Variants in OCLN observed in about 807,000 individuals in gnomAD.
OCLN encodes the protein phosphatase 1, regulatory subunit 115.
OCLN carries 21 observed loss-of-function variants against 47.9 expected under a neutral mutation model. The ratio of observed to expected loss-of-function variants is 0.44; its 90% confidence interval spans 0.31 to 0.63. OCLN has a LOEUF of 0.63. Among genes scored for constraint, OCLN ranks in the 30% least tolerant of loss-of-function variants. The probability of loss-of-function intolerance (pLI) is 0.08; values close to 1 mark genes in which losing one functional copy is unlikely to be tolerated. For missense variants in OCLN, 360 were observed against 571.0 expected (o/e 0.63, Z 3.77); for synonymous variants, 117 against 198.4 (o/e 0.59, Z 3.45).
At chr5:69,520,391 C>T (rs1054252822) in intron 4 of OCLN, among the ~76,000 whole-genome samples, 9 of 149,410 alleles carry the variant, frequency 6.0e-5, no homozygotes, top group African/African-American at 1.2e-4. Context: ...ACCTCTGTCT[C>T]CTGGGTTCAA....
chr5:69,496,559 T>C (rs57700782), intron 1 of OCLN, among the ~76,000 whole-genome samples: 2,371 of 146,470 alleles, frequency 0.016, 63 homozygotes, highest in African/African-American at 0.059. Context: ...TCTTTTTTTA[T>C]ACTTTTTTTT....
Position 69,544,985 on chromosome 5 carries a change from CTT to C in OCLN, c.1121_1122del (p.Phe374Ter), listed in dbSNP as rs746957303. The stretch of plus-strand genomic sequence containing the variant: ...AGCCTCGTTACAGCAGCGGTGGTAA[CTT>C]TGAGACACCTTCAAAAAGAGCACCT... ...RQPRYSSGGN[F>X]ETPSKRAPAK... On this transcript the variant is annotated frameshift_variant, in exon 6 of 9. Coordinates refer to ENST00000396442, the MANE Select transcript of OCLN (RefSeq NM_001205254.2). LOFTEE classifies it high-confidence loss of function. 1.3e-6 allele frequency: 2 copies of C among 1,597,230 alleles called. No individual in the cohort carries two copies. Among genetic ancestry groups the C allele is most frequent in the African/African-American group, 2.8e-5 (2 of 72,090 alleles).
At chr5:69,515,284 A>AC (rs1461293530) in intron 4 of OCLN, among the ~76,000 whole-genome samples, 10 of 130,152 alleles carry the variant, frequency 7.7e-5, no homozygotes, top group South Asian at 2.5e-4. Flanking sequence ...CGGGGGGCTG[A>AC]CCCCCCCACC....
rs768874429 is a variant in OCLN at position 69,509,344 on chromosome 5, C to G, written c.254C>G (p.Ser85Cys). The G allele has an allele frequency of 1.9e-6, 3 of 1,614,162 alleles. No homozygotes were observed. Among genetic ancestry groups the G allele is most frequent in the Non-Finnish European group, 2.5e-6 (3 of 1,180,030 alleles). ...MCIAIFACVA[S>C]TLAWDRGYGT... Reference sequence around the variant, plus strand: ...ATTGCCATCTTTGCCTGTGTGGCCTCCACGCTTGCCTGGGACAGAGGCTAT... The same window carrying G: ...ATTGCCATCTTTGCCTGTGTGGCCTGCACGCTTGCCTGGGACAGAGGCTAT... Residue 85 changes from serine to cysteine, a missense_variant, in exon 3 of 9, where the codon TCC becomes TGC. Ser to Cys is a moderately radical substitution (Grantham distance 112). Around this residue, in one of 3 missense-constraint regions of OCLN, gnomAD observed 314 missense variants for 368.1 expected, o/e 0.85. Transcript: ENST00000396442.
Position 69,555,560 on chromosome 5 carries a change from T to C in OCLN, c.*1889T>C, listed in dbSNP as rs375565190. 6 of 152,128 alleles carry C rather than the reference T, an allele frequency of 3.9e-5. No individual in the cohort carries two copies. The highest frequency in any genetic ancestry group is 3.4e-3 in the Middle Eastern group (1 of 294). The allele number at this position is 152,128 out of a possible 1,614,324, so 9.4% of individuals were successfully genotyped here. ...CTGGGATTAGAGGCGTGAGCCACTG[T>C]GCCCGGCCTATAATTTTTGATAGAT... On this transcript the variant is annotated 3_prime_UTR_variant, in exon 9 of 9. Transcript: ENST00000396442.
chr5:69,506,421 G>A (rs2111964375), intron 2 of OCLN, among the ~76,000 whole-genome samples: 1 of 152,362 alleles, frequency 6.6e-6, no homozygotes, highest in South Asian at 2.1e-4. Context: ...CACATGTTCA[G>A]CTGTCCAGAA....
intron 4 of OCLN, among the ~76,000 whole-genome samples, chr5:69,517,313 T>C (rs1768999843): frequency 1.2e-5 from 1 of 85,674 alleles, no homozygotes; most frequent in African/African-American, 3.4e-5. Flanking sequence ...TATATATATA[T>C]ATTTTTTTTT....
At chr5:69,524,328 T>A (rs1167640318) in intron 4 of OCLN, among the ~76,000 whole-genome samples, 1 of 152,230 alleles carries the variant, frequency 6.6e-6, no homozygotes, top group African/African-American at 2.4e-5. Context: ...ATTATACATT[T>A]TTTACTCTCT....
chr5:69,509,528 C>G lies in OCLN; in HGVS notation c.438C>G (p.Ala146=), dbSNP rs775357013. ...AGGGCTTCATGTTGGCCATGGCTGC[C>G]TTTTGTTTCATTGCCGCGTTGGTGA... ...AAKGFMLAMA[A]FCFIAALVIF... Residue 146 remains alanine (A), a synonymous_variant, in exon 3 of 9, where the codon GCC becomes GCG. Transcript: ENST00000396442. The G allele has an allele frequency of 4.3e-6, 7 of 1,614,026 alleles. No individual in the cohort carries two copies. In the South Asian group the frequency reaches 7.7e-5, roughly 18 times the overall value.
At chr5:69,522,894 C>CTTTTTTTTTTTTTTTTTTTT (rs60505522) in intron 4 of OCLN, among the ~76,000 whole-genome samples, 1 of 116,890 alleles carries the variant, frequency 8.6e-6, no homozygotes, top group Non-Finnish European at 1.7e-5. Flanking sequence ...GCCTGGCTGA[C>CTTTTTTTTTTTTTTTTTTTT]TTTTTTTTTT....
intron 6 of OCLN, among the ~76,000 whole-genome samples, chr5:69,546,500 T>TA: frequency 7.0e-6 from 1 of 143,424 alleles, no homozygotes; most frequent in Non-Finnish European, 1.5e-5. Flanking sequence ...TTTTTTGAGA[T>TA]AGAGTCTCAC....
chr5:69,502,034 C>T (rs1482625644), intron 1 of OCLN, among the ~76,000 whole-genome samples: 3 of 152,016 alleles, frequency 2.0e-5, no homozygotes, highest in Non-Finnish European at 4.4e-5. Flanking sequence ...CCCATCTTTA[C>T]TAAAAATACA....
intron 7 of OCLN, among the ~76,000 whole-genome samples, chr5:69,548,701 A>G (rs1227996970): frequency 2.6e-5 from 4 of 151,294 alleles, no homozygotes; most frequent in Admixed American, 2.6e-4. Flanking sequence ...GCTCATGGCT[A>G]TAATCCCCAC....
At chr5:69,498,450 C>T (rs538065440) in intron 1 of OCLN, among the ~76,000 whole-genome samples, 155 of 151,824 alleles carry the variant, frequency 1.0e-3, no homozygotes, top group Non-Finnish European at 1.8e-3. Flanking sequence ...GCCGAGATCA[C>T]GCCATTGCAT....
chr5:69,509,881 T>C (rs1327677834), intron 3 of OCLN, 62 bp downstream of exon 3: 39 of 1,201,246 alleles, frequency 3.2e-5, no homozygotes, highest in Middle Eastern at 1.9e-4. Context: ...ACTTGAGATA[T>C]GTGATAGAAT....
chr5:69,499,206 A>G (rs1382572716), intron 1 of OCLN, among the ~76,000 whole-genome samples: 1 of 151,974 alleles, frequency 6.6e-6, no homozygotes, highest in Non-Finnish European at 1.5e-5. Flanking sequence ...AGTAGCTGGA[A>G]CTTACAGGGA....
At chr5:69,505,850 G>A (rs1580549704) in intron 2 of OCLN, among the ~76,000 whole-genome samples, 1 of 152,288 alleles carries the variant, frequency 6.6e-6, no homozygotes, top group East Asian at 1.9e-4. Flanking sequence ...AATTTGTGGG[G>A]ATATTTCCCC....
chr5:69,498,148 G>T (rs1358810634), intron 1 of OCLN, among the ~76,000 whole-genome samples: 2 of 151,458 alleles, frequency 1.3e-5, no homozygotes, highest in Non-Finnish European at 2.9e-5. Flanking sequence ...AAAAAAGAAC[G>T]ATTATTAAAT....
intron 1 of OCLN, among the ~76,000 whole-genome samples, chr5:69,494,431 C>T (rs1460346135): frequency 6.6e-6 from 1 of 152,230 alleles, no homozygotes; most frequent in Non-Finnish European, 1.5e-5. Context: ...GGTGATTCGC[C>T]CGCCTTGGCC....
Sources: allele counts gnomAD v4.1 joint callset (sites outside exome capture counted in the v4.1 genomes callset), GRCh38; gene constraint gnomAD v4.1.1; regional missense constraint gnomAD v4.1.1; transcripts MANE v1.5; gene names NCBI Gene and HGNC (gene_info 2026-07-23, HGNC 2026-07-21).